The following FOXP1 variants were observed in gnomAD, a reference collection of about 807,000 sequenced individuals.
FOXP1 encodes forkhead box protein P1.
FOXP1 carries 15 observed loss-of-function variants against 98.2 expected under a neutral mutation model. That is an observed-to-expected ratio of 0.15 (90% CI 0.10 to 0.24). The LOEUF is 0.24. Among genes scored for constraint, FOXP1 ranks in the 10% least tolerant of loss-of-function variants. The pLI is 1.00. For synonymous variants in FOXP1, 371 were observed against 314.5 expected, an observed-to-expected ratio of 1.18 and a Z score of -1.90; for missense variants, 633 against 848.5, an observed-to-expected ratio of 0.75 and a Z score of 3.15.
chr3:71,174,826 A>ACACACACC lies in FOXP1; in HGVS notation c.180+23375_180+23376insGGTGTGTG, dbSNP rs1050762895. Among the ~76,000 whole-genome samples, 352 of 147,290 alleles carry ACACACACC rather than the reference A, an allele frequency of 2.4e-3. 1 individual carries two copies. The highest frequency in any genetic ancestry group is 8.4e-3 in the Admixed American group (124 of 14,778). ...CACACACACACACACACACACACAC[A>ACACACACC]CCCCAATATACCCCAGGGTAGGAAG... On this transcript the variant is annotated intron_variant, in intron 6 of 20. Transcript: ENST00000649528.
intron 3 of FOXP1, among the ~76,000 whole-genome samples, chr3:71,450,946 T>C (rs79400235): frequency 6.6e-6 from 1 of 152,342 alleles, no homozygotes; most frequent in East Asian, 1.9e-4. Context: ...TAAAACTTTA[T>C]GGCACTACAG....
intron 7 of FOXP1, among the ~76,000 whole-genome samples, chr3:71,103,616 T>C (rs1195560211): frequency 6.6e-6 from 1 of 152,142 alleles, no homozygotes; most frequent in African/African-American, 2.4e-5. Context: ...CAGGGTCCAA[T>C]GCTGTGTGCT....
At chr3:70,975,886 A>C (rs1575785840) in intron 17 of FOXP1, among the ~76,000 whole-genome samples, 1 of 152,148 alleles carries the variant, frequency 6.6e-6, no homozygotes, top group African/African-American at 2.4e-5. Flanking sequence ...CCAGCTGCTG[A>C]CCTGGGAATG....
chr3:71,419,273 G>A (rs1270367467), intron 3 of FOXP1, among the ~76,000 whole-genome samples: 1 of 149,394 alleles, frequency 6.7e-6, no homozygotes, highest in Non-Finnish European at 1.5e-5. Flanking sequence ...AGGGAGGGGA[G>A]GGGAGGGAAG....
rs147256151 is a variant in FOXP1, at chr3:71,289,282, G to A, written c.-12+10538C>T. On this transcript the variant is annotated intron_variant, in intron 5 of 20. Transcript: ENST00000649528. ...TCTTGAACTCCTGACCTCATGATCC[G>A]CCTGCCTTGGCCTCCCAAAGTGCTG... 3.2e-3 allele frequency among the ~76,000 whole-genome samples: 493 copies of A among 151,874 alleles called. 3 individuals carry two copies. The highest frequency in any genetic ancestry group is 0.011 in the African/African-American group (470 of 41,390).
chr3:71,543,193 G>A (rs549053006), intron 2 of FOXP1, among the ~76,000 whole-genome samples: 20 of 152,280 alleles, frequency 1.3e-4, no homozygotes, highest in African/African-American at 3.9e-4. Context: ...ACTGGCAGTC[G>A]CTCTGTAATA....
chr3:70,997,755 C>T (rs933518542), intron 13 of FOXP1, among the ~76,000 whole-genome samples: 1 of 152,156 alleles, frequency 6.6e-6, no homozygotes, highest in African/African-American at 2.4e-5. Context: ...AGTGTAAGAA[C>T]TTGGAGGGCA....
intron 4 of FOXP1, among the ~76,000 whole-genome samples, chr3:71,336,437 C>A (rs1031099177): frequency 6.6e-6 from 1 of 151,914 alleles, no homozygotes; most frequent in African/African-American, 2.4e-5. Flanking sequence ...GCCCTCCACC[C>A]CCCGATAGGC....
chr3:71,536,733 G>A (rs2044326864), intron 2 of FOXP1, among the ~76,000 whole-genome samples: 1 of 152,126 alleles, frequency 6.6e-6, no homozygotes, highest in Non-Finnish European at 1.5e-5. Flanking sequence ...GACTCTGTGG[G>A]AAAGGTTCCA....
chr3:71,014,214 G>T (rs1334555514), intron 12 of FOXP1, among the ~76,000 whole-genome samples: 1 of 152,072 alleles, frequency 6.6e-6, no homozygotes, highest in African/African-American at 2.4e-5. Context: ...AGAGTGAACA[G>T]GCAACCTACA....
intron 7 of FOXP1, among the ~76,000 whole-genome samples, chr3:71,057,873 C>T (rs1407534285): frequency 7.2e-5 from 11 of 152,122 alleles, no homozygotes; most frequent in Admixed American, 7.2e-4. Context: ...CCTGCTGCTA[C>T]CTTAATACCA....
At chr3:71,416,590 A>ACG (rs1270877261) in intron 3 of FOXP1, among the ~76,000 whole-genome samples, 4 of 147,340 alleles carry the variant, frequency 2.7e-5, no homozygotes, top group South Asian at 2.2e-4. Context: ...ACACACACAC[A>ACG]CACGCAAAAA....
At chr3:70,977,592 T>G in intron 16 of FOXP1, 51 bp downstream of exon 16, 1 of 1,388,862 alleles carries the variant, frequency 7.2e-7, no homozygotes. Flanking sequence ...TATATATCCA[T>G]GTACACATAT....
chr3:71,315,073 T>C (rs1165315236), intron 4 of FOXP1, among the ~76,000 whole-genome samples: 1 of 94,010 alleles, frequency 1.1e-5, no homozygotes, highest in African/African-American at 4.7e-5. Context: ...CCACACCTGG[T>C]CCATGTAAAA....
Position 71,485,786 on chromosome 3 carries a change from A to G in FOXP1, c.-168+7640T>C, listed in dbSNP as rs552654995. Among the ~76,000 whole-genome samples, 48 of 152,092 alleles carry G rather than the reference A, an allele frequency of 3.2e-4. 1 individual carries two copies. The highest frequency in any genetic ancestry group is 2.3e-3 in the South Asian group (11 of 4,816). ...GAGACTCCATCAAAAAAAAAAAAAA[A>G]AGAACCACAGAAATAATGCAGTGTT... On this transcript the variant is annotated intron_variant, in intron 3 of 20. Coordinates refer to ENST00000649528, the MANE Select transcript of FOXP1 (RefSeq NM_001349338.3).
At chr3:71,231,813 A>T (rs2066311680) in intron 5 of FOXP1, among the ~76,000 whole-genome samples, 1 of 152,262 alleles carries the variant, frequency 6.6e-6, no homozygotes, top group Non-Finnish European at 1.5e-5. Context: ...CAAAGAATGT[A>T]GGGTGTCAGG....
intron 13 of FOXP1, among the ~76,000 whole-genome samples, chr3:70,995,592 T>C (rs1003950291): frequency 1.3e-5 from 2 of 152,304 alleles, no homozygotes; most frequent in African/African-American, 4.8e-5. Flanking sequence ...TCTATGTGTA[T>C]AGTATAAGGA....
In FOXP1 at chr3:70,967,718, T is replaced by G. The variant is rs568576217; in HGVS notation, c.1723-1662A>C. On this transcript the variant is annotated intron_variant, in intron 19 of 20. Coordinates refer to ENST00000649528, the MANE Select transcript of FOXP1 (RefSeq NM_001349338.3). The stretch of plus-strand genomic sequence containing the variant: ...TTTTTTTGTTTTTTTTTGTTTTTTT[T>G]TTTTTTTTTTGCAAACTGCAGTTGG... Among the ~76,000 whole-genome samples the G allele has an allele frequency of 4.4e-4, 62 of 141,934 alleles. 4 individuals carry two copies. Among genetic ancestry groups the G allele is most frequent in the African/African-American group, 1.3e-3 (49 of 37,574 alleles). 93.1% of individuals were successfully genotyped at this position (141,934 alleles called of 152,430 possible).
At chr3:71,233,768 G>C (rs61451338) in intron 5 of FOXP1, among the ~76,000 whole-genome samples, 14,407 of 152,028 alleles carry the variant, frequency 0.095, 870 homozygotes, top group East Asian at 0.29. Flanking sequence ...AGAGGATCAG[G>C]ACTTGTATAT....
Sources: allele counts gnomAD v4.1 joint callset (sites outside exome capture counted in the v4.1 genomes callset), GRCh38; gene constraint gnomAD v4.1.1; transcripts MANE v1.5; gene names NCBI Gene and HGNC (gene_info 2026-07-23, HGNC 2026-07-21).